The following SPMAP2L variants were observed in gnomAD, a reference collection of about 807,000 sequenced individuals.
SPMAP2L encodes sperm microtubule associated protein 2-like.
chr4:56,588,531 A>G, the SPMAP2L span, among the ~76,000 whole-genome samples: 1 of 151,682 alleles, frequency 6.6e-6, no homozygotes, highest in African/African-American at 2.4e-5. Context: ...TTCCAGGTTC[A>G]AGCAATTTGC....
chr4:56,548,939 T>A, the SPMAP2L span: 1 of 521,792 alleles, frequency 1.9e-6, no homozygotes, highest in Non-Finnish European at 3.0e-6. Context: ...AGGACATTCC[T>A]AGGCTTTCCC....
chr4:56,592,584 G>A, the SPMAP2L span, among the ~76,000 whole-genome samples: 1 of 152,230 alleles, frequency 6.6e-6, no homozygotes, highest in Non-Finnish European at 1.5e-5. Context: ...GCCACCCGGG[G>A]GACCGAGGCC....
chr4:56,575,651 T>G, the SPMAP2L span: 1 of 1,534,102 alleles, frequency 6.5e-7, no homozygotes, highest in Non-Finnish European at 8.7e-7. Context: ...AGGTAGAGTA[T>G]CTTGAGAATC....
the SPMAP2L span, among the ~76,000 whole-genome samples, chr4:56,611,824 C>T: frequency 2.0e-5 from 3 of 152,136 alleles, no homozygotes; most frequent in Non-Finnish European, 4.4e-5. Flanking sequence ...GCTCCCTAAG[C>T]CAATCACGTA....
chr4:56,560,706 A>G, the SPMAP2L span, among the ~76,000 whole-genome samples: 10 of 151,204 alleles, frequency 6.6e-5, no homozygotes, highest in African/African-American at 2.2e-4. Flanking sequence ...GGGATTACAG[A>G]TGTGAGCCAC....
the SPMAP2L span, among the ~76,000 whole-genome samples, chr4:56,539,279 C>T: frequency 2.2e-3 from 341 of 152,306 alleles, no homozygotes; most frequent in Non-Finnish European, 3.6e-3. Context: ...CCTTGAAGAA[C>T]TATTTCTGTG....
At chr4:56,600,097 C>CTTTTT in the SPMAP2L span, among the ~76,000 whole-genome samples, 770 of 87,832 alleles carry the variant, frequency 8.8e-3, 8 homozygotes, top group Middle Eastern at 0.016. Context: ...TCTTTGCTTT[C>CTTTTT]TTTTTTTTTT....
chr4:56,596,652 T>C, the SPMAP2L span: 3 of 1,497,020 alleles, frequency 2.0e-6, no homozygotes, highest in Non-Finnish European at 2.7e-6. Flanking sequence ...GCTACCTTGG[T>C]ATCCTTCAGC....
At chr4:56,534,080 T>G in the SPMAP2L span, among the ~76,000 whole-genome samples, 1 of 152,208 alleles carries the variant, frequency 6.6e-6, no homozygotes, top group African/African-American at 2.4e-5. Context: ...CCAGGTACCA[T>G]GATTTCTTTG....
chr4:56,612,687 C>T, the SPMAP2L span, among the ~76,000 whole-genome samples: 2 of 152,218 alleles, frequency 1.3e-5, no homozygotes, highest in East Asian at 3.9e-4. Context: ...CCTACCTCAG[C>T]CTCCCAAGTA....
chr4:56,614,373 G>A, the SPMAP2L span, among the ~76,000 whole-genome samples: 160 of 152,264 alleles, frequency 1.1e-3, no homozygotes, highest in African/African-American at 3.8e-3. Flanking sequence ...CTCTGATCTT[G>A]GCCGGGTGTG....
the SPMAP2L span, among the ~76,000 whole-genome samples, chr4:56,540,175 T>A: frequency 6.6e-6 from 1 of 152,202 alleles, no homozygotes; most frequent in African/African-American, 2.4e-5. Context: ...ACTATTTGCA[T>A]CCCCATTTTA....
At chr4:56,574,039 T>A in the SPMAP2L span, among the ~76,000 whole-genome samples, 1 of 152,048 alleles carries the variant, frequency 6.6e-6, no homozygotes, top group Non-Finnish European at 1.5e-5. Flanking sequence ...TGAGTTAACA[T>A]TGGGTCTGGG....
the SPMAP2L span, among the ~76,000 whole-genome samples, chr4:56,576,192 T>C: frequency 0.081 from 12,268 of 152,262 alleles, 625 homozygotes; most frequent in East Asian, 0.23. Flanking sequence ...TGTGCAGTTA[T>C]GTATGTTATA....
At chr4:56,567,570 T>C in the SPMAP2L span, among the ~76,000 whole-genome samples, 3 of 150,644 alleles carry the variant, frequency 2.0e-5, no homozygotes, top group Non-Finnish European at 4.4e-5. Flanking sequence ...ATTACAGATG[T>C]AAGCCACCAT....
the SPMAP2L span, chr4:56,531,205 T>G: frequency 1.3e-6 from 2 of 1,494,818 alleles, no homozygotes; most frequent in South Asian, 2.6e-5. Context: ...CTCTCCTGCT[T>G]CTCCCTTCCC....
At chr4:56,595,731 C>G in the SPMAP2L span, 1 of 938,956 alleles carries the variant, frequency 1.1e-6, no homozygotes, top group Non-Finnish European at 1.8e-6. Flanking sequence ...GTCCTCTCTC[C>G]CTAAGTTTAA....
At chr4:56,531,065 C>A in the SPMAP2L span, 1 of 1,535,528 alleles carries the variant, frequency 6.5e-7, no homozygotes, top group East Asian at 2.4e-5. Flanking sequence ...CCCCGCAAGT[C>A]CCGCGAGGCC....
chr4:56,596,631 T>A, the SPMAP2L span: 1 of 1,511,870 alleles, frequency 6.6e-7, no homozygotes, highest in Non-Finnish European at 8.8e-7. Context: ...CCATCCGTCC[T>A]GTAAGCCATC....
Sources: allele counts gnomAD v4.1 joint callset (sites outside exome capture counted in the v4.1 genomes callset), GRCh38; gene constraint gnomAD v4.1.1; transcripts MANE v1.5; gene names NCBI Gene and HGNC (gene_info 2026-07-23, HGNC 2026-07-21).